The following PSMC1 variants were observed in gnomAD, a reference collection of about 807,000 sequenced individuals.
PSMC1 encodes the protein 26S proteasome regulatory subunit 4.
PSMC1 carries 5 observed loss-of-function variants against 49.8 expected under a neutral mutation model. The ratio of observed to expected loss-of-function variants is 0.10; its 90% CI spans 0.05 to 0.21. The LOEUF is 0.21. Ranked by LOEUF, PSMC1 falls within the 10% of genes least tolerant of loss-of-function variation. The probability of loss-of-function intolerance (pLI) is 1.00; values close to 1 mark genes in which losing one functional copy is unlikely to be tolerated. For missense variants in PSMC1, 181 were observed against 535.7 expected (o/e 0.34, Z 6.54); for synonymous variants, 155 against 192.1 (o/e 0.81, Z 1.60).
intron 7 of PSMC1, 91 bp downstream of exon 7, chr14:90,265,257 G>A (rs1595042983): frequency 1.2e-6 from 1 of 831,094 alleles, no homozygotes; most frequent in African/African-American, 1.7e-5. Context: ...AATAAGAGAG[G>A]ACACCACAAT....
In PSMC1 at chr14:90,269,341, C is replaced by T. The variant is rs1415099057; in HGVS notation, c.882-56C>T. Reference sequence around the variant, plus strand: ...CACAATGAGGTCTTTGCTGTAATTCCCCTTGAGCAGGCGATCAGTTGAGTC... The same window carrying T: ...CACAATGAGGTCTTTGCTGTAATTCTCCTTGAGCAGGCGATCAGTTGAGTC... On this transcript the variant is annotated intron_variant, in intron 8 of 10. Coordinates refer to ENST00000261303, the MANE Select transcript of PSMC1 (RefSeq NM_002802.3). The T allele has an allele frequency of 6.7e-6, 10 of 1,488,292 alleles. No homozygotes were observed. In the Admixed American group the frequency reaches 1.9e-4, roughly 28 times the overall value. 92.2% of individuals were successfully genotyped at this position (1,488,292 alleles called of 1,614,324 possible).
At chr14:90,266,003 C>G (rs1028112388) in intron 7 of PSMC1, among the ~76,000 whole-genome samples, 10 of 152,134 alleles carry the variant, frequency 6.6e-5, no homozygotes, top group African/African-American at 2.2e-4. Context: ...TGCCTATAAT[C>G]CTAGCACTGT....
chr14:90,256,734 G>T, intron 1 of PSMC1, 134 bp downstream of exon 1: 3 of 1,401,924 alleles, frequency 2.1e-6, no homozygotes, highest in Non-Finnish European at 2.9e-6. Context: ...TGATCTTCTC[G>T]GCGGGTGGAG....
chr14:90,262,694 G>C (rs1426499409), intron 3 of PSMC1, among the ~76,000 whole-genome samples: 1 of 151,850 alleles, frequency 6.6e-6, no homozygotes, highest in Non-Finnish European at 1.5e-5. Context: ...TGAGGCAGGA[G>C]AATCGCTTGA....
At position 90,274,839 on chromosome 14, in the gene PSMC1, C is replaced by CACACACACACACACA. The variant is rs1566678175; in HGVS notation, c.*2432_*2433insACACACACACACACA. The CACACACACACACACA allele has an allele frequency of 4.9e-5, 6 of 121,498 alleles. No homozygotes were observed. Among genetic ancestry groups the CACACACACACACACA allele is most frequent in the African/African-American group, 1.8e-4 (6 of 33,340 alleles). 7.5% of individuals were successfully genotyped at this position (121,498 alleles called of 1,614,324 possible). Reference sequence around the variant, plus strand: ...ACACACACACACACACACACACACACCCCAATACATATGAATTGATCTGAA... The same window carrying CACACACACACACACA: ...ACACACACACACACACACACACACACACACACACACACACACCCAATACATATGAATTGATCTGAA... On this transcript the variant is annotated 3_prime_UTR_variant, in exon 11 of 11. Transcript: ENST00000261303.
At chr14:90,259,099 G>A in intron 1 of PSMC1, 61 bp from the exon 2 acceptor site, 1 of 1,538,722 alleles carries the variant, frequency 6.5e-7, no homozygotes, top group Non-Finnish European at 9.0e-7. Flanking sequence ...ACAGTATAAA[G>A]TTATTCTTTT....
chr14:90,259,052 GA>G (rs998306401), intron 1 of PSMC1, 107 bp from the exon 2 acceptor site: 1 of 967,738 alleles, frequency 1.0e-6, no homozygotes, highest in Non-Finnish European at 1.5e-6. Flanking sequence ...AAATGAGGGA[GA>G]AATGTTACTC....
chr14:90,261,265 G>A (rs1891392228), intron 3 of PSMC1, among the ~76,000 whole-genome samples: 1 of 152,128 alleles, frequency 6.6e-6, no homozygotes, highest in South Asian at 2.1e-4. Context: ...TTAGGCTTCA[G>A]CTCAAATACC....
Position 90,273,737 on chromosome 14 carries a change from G to A in PSMC1, c.*1330G>A, listed in dbSNP as rs554715805. On this transcript the variant is annotated 3_prime_UTR_variant, in exon 11 of 11. Transcript: ENST00000261303. ...ATTGTTGGCAGAATTTAATTTCTTGGAGTTGTGGGCCAGCTGAGGTCAGCA... is the reference window on the plus strand; with the variant it reads ...ATTGTTGGCAGAATTTAATTTCTTGAAGTTGTGGGCCAGCTGAGGTCAGCA... The A allele has an allele frequency of 9.7e-5, 15 of 154,640 alleles. No homozygotes were observed. Among genetic ancestry groups the A allele is most frequent in the African/African-American group, 3.4e-4 (14 of 41,606 alleles). 9.6% of individuals were successfully genotyped at this position (154,640 alleles called of 1,614,324 possible). A position where few individuals can be genotyped will look rare whatever the true frequency, so the allele number is the denominator to read the frequency against.
chr14:90,266,642 C>T (rs1047187945), intron 7 of PSMC1, among the ~76,000 whole-genome samples: 12 of 152,208 alleles, frequency 7.9e-5, no homozygotes, highest in African/African-American at 2.9e-4. Context: ...GGCTGCGGTA[C>T]AGGGCTGGGA....
intron 2 of PSMC1, 74 bp downstream of exon 2, chr14:90,259,287 G>A (rs552377405): frequency 7.1e-7 from 1 of 1,408,416 alleles, no homozygotes; most frequent in Admixed American, 1.8e-5. Flanking sequence ...GAGAAGTTCT[G>A]TGGGGATTCA....
intron 3 of PSMC1, 63 bp downstream of exon 3, chr14:90,260,274 T>C (rs1891372131): frequency 8.2e-7 from 1 of 1,222,114 alleles, no homozygotes; most frequent in Non-Finnish European, 1.2e-6. Context: ...TCTGTGCATG[T>C]AGCTTAGAGT....
chr14:90,256,655 C>A, intron 1 of PSMC1, 55 bp downstream of exon 1: 1 of 1,569,536 alleles, frequency 6.4e-7, no homozygotes, highest in Admixed American at 1.9e-5. Context: ...GGGGTCTCAG[C>A]AGCCTGAGGC....
intron 10 of PSMC1, chr14:90,271,054 C>G (rs1381288251): frequency 1.8e-5 from 1 of 55,928 alleles, no homozygotes. Context: ...ATTGAAAGAT[C>G]TTAAAATTTT....
intron 3 of PSMC1, 48 bp from the exon 4 acceptor site, chr14:90,263,270 G>A: frequency 2.0e-6 from 3 of 1,535,984 alleles, no homozygotes; most frequent in South Asian, 1.2e-5. Flanking sequence ...TTCCTTACTT[G>A]CAAACTTCAG....
chr14:90,264,800 G>A (rs983261032), intron 6 of PSMC1, among the ~76,000 whole-genome samples: 2 of 152,152 alleles, frequency 1.3e-5, no homozygotes, highest in Admixed American at 1.3e-4. Context: ...AGTCTCTCTT[G>A]CTCAAGAAGA....
chr14:90,263,984 G>A lies in PSMC1; in HGVS notation c.466-57G>A, dbSNP rs544462139. 6.0e-5 allele frequency: 95 copies of A among 1,586,672 alleles called. No homozygotes were observed. The East Asian group carries it at 1.5e-3, about 25-fold the overall frequency. ...ATGCCATGACTGGCATTGCTTTGCT[G>A]TAAACAGATCCAGCAAACCTCACGT... is the stretch of plus-strand genomic sequence containing the variant. On this transcript the variant is annotated intron_variant, in intron 5 of 10. Coordinates refer to ENST00000261303, the MANE Select transcript of PSMC1 (RefSeq NM_002802.3).
chr14:90,257,758 A>C (rs939343920), intron 1 of PSMC1, among the ~76,000 whole-genome samples: 3 of 151,970 alleles, frequency 2.0e-5, no homozygotes, highest in Non-Finnish European at 4.4e-5. Context: ...ACGCCCGGCT[A>C]ATTTTTGTAT....
intron 7 of PSMC1, 125 bp downstream of exon 7, chr14:90,265,291 T>A: frequency 1.7e-6 from 1 of 599,732 alleles, no homozygotes; most frequent in Non-Finnish European, 2.8e-6. Context: ...ACAGGGCTGC[T>A]CAACCTTGTC....
Sources: allele counts gnomAD v4.1 joint callset (sites outside exome capture counted in the v4.1 genomes callset), GRCh38; gene constraint gnomAD v4.1.1; transcripts MANE v1.5; gene names NCBI Gene and HGNC (gene_info 2026-07-23, HGNC 2026-07-21).